The following SRR variants were observed in gnomAD, a reference collection of about 807,000 sequenced individuals.
The protein encoded by SRR is D-serine ammonia-lyase.
A neutral mutation model predicts 32.7 loss-of-function variants in SRR; 19 were observed. The observed-to-expected ratio is 0.58, with a 90% CI of 0.40 to 0.85. The LOEUF (loss-of-function observed/expected upper bound fraction) is 0.85, where lower values mean the gene tolerates loss of function less well. SRR is among the 40% of genes least tolerant of loss of function. The probability of loss-of-function intolerance (pLI) is 0.00; values close to 1 mark genes in which losing one functional copy is unlikely to be tolerated. For missense variants in SRR, 373 were observed against 404.7 expected (o/e 0.92, Z 0.67); for synonymous variants, 142 against 140.9 (o/e 1.01, Z -0.06).
chr17:2,306,751 G>A (rs2075393858), intron 1 of SRR: 1 of 614,704 alleles, frequency 1.6e-6, no homozygotes. Flanking sequence ...TCCACCCATG[G>A]ACACCGCCAA....
At chr17:2,321,198 C>G in intron 4 of SRR, 108 bp from the exon 5 acceptor site, 1 of 1,341,770 alleles carries the variant, frequency 7.5e-7, no homozygotes. Context: ...AGTACCTGAA[C>G]AAAGTGTGAA....
Position 2,325,196 on chromosome 17 carries a change from CA to C in SRR, c.*1324del, listed in dbSNP as rs767921917. 11 of 807,424 alleles carry C rather than the reference CA, an allele frequency of 1.4e-5. No individual in the cohort carries two copies. Among genetic ancestry groups the C allele is most frequent in the Non-Finnish European group, 2.2e-5 (11 of 509,912 alleles). The allele number at this position is 807,424 out of a possible 1,614,324, so 50.0% of individuals were successfully genotyped here. On this transcript the variant is annotated 3_prime_UTR_variant, in exon 8 of 8. Transcript: ENST00000344595. ...AGACTTACTGTATTTTGAAAACCAT[CA>C]TTACCTTCTCCATACCATTTGGCTC...
chr17:2,319,244 AC>A (rs2075504274), intron 4 of SRR, among the ~76,000 whole-genome samples: 1 of 152,172 alleles, frequency 6.6e-6, no homozygotes, highest in African/African-American at 2.4e-5. Flanking sequence ...TCCTGATCTT[AC>A]TTCCCTATAT....
At chr17:2,307,561 A>C in intron 1 of SRR, 3 of 1,113,222 alleles carry the variant, frequency 2.7e-6, no homozygotes, top group East Asian at 2.3e-5. Flanking sequence ...TACAACAATT[A>C]GTCTTCAATT....
At chr17:2,322,579 CA>C (rs1224638581) in intron 6 of SRR, 6 of 153,242 alleles carry the variant, frequency 3.9e-5, no homozygotes, top group African/African-American at 1.4e-4. Flanking sequence ...TGGCTCACTG[CA>C]AGCTCCACCT....
At position 2,314,582 on chromosome 17, in the gene SRR, CAAA is replaced by C. The variant is rs35790609; in HGVS notation, c.-4-956_-4-954del. ...TGGGTGACAGAGCGAGACTCTGTCT[CAAA>C]AAAAAAAAAAAAAAAAAATTAGCTG... On this transcript the variant is annotated intron_variant, in intron 1 of 7. Transcript: ENST00000344595. 4.3e-3 allele frequency among the ~76,000 whole-genome samples: 438 copies of C among 102,934 alleles called. 10 individuals carry two copies. The East Asian group carries it at 0.054, about 13-fold the overall frequency. The allele number at this position is 102,934 out of a possible 152,430, so 67.5% of individuals were successfully genotyped here.
Position 2,317,373 on chromosome 17 carries a change from G to C in SRR, c.169-497G>C, listed in dbSNP as rs867343007. On this transcript the variant is annotated intron_variant, in intron 2 of 7. Coordinates refer to ENST00000344595, the MANE Select transcript of SRR (RefSeq NM_021947.3). ...AAAAATACAAAAAAATTAGCCGGGC[G>C]TGGTGGCGGGCGCCTGCAGACCCGG... Among the ~76,000 whole-genome samples the C allele has an allele frequency of 1.9e-4, 29 of 151,750 alleles. No homozygotes were observed. The Middle Eastern group carries it at 0.017, about 90-fold the overall frequency.
intron 1 of SRR, among the ~76,000 whole-genome samples, chr17:2,308,792 GC>G: frequency 6.6e-6 from 1 of 151,982 alleles, no homozygotes; most frequent in African/African-American, 2.4e-5. Context: ...CTGCACTCCA[GC>G]CTGGTGACAG....
At chr17:2,320,207 T>C (rs980010703) in intron 4 of SRR, among the ~76,000 whole-genome samples, 1 of 149,684 alleles carries the variant, frequency 6.7e-6, no homozygotes. Flanking sequence ...ATCTAATCCC[T>C]GGATAAACTC....
intron 1 of SRR, chr17:2,306,886 T>C (rs2075395104): frequency 2.2e-6 from 2 of 915,156 alleles, no homozygotes; most frequent in South Asian, 1.3e-5. Flanking sequence ...ACTCGCGGAC[T>C]GTGTGGTAAT....
chr17:2,322,921 CG>C, intron 6 of SRR: 1 of 514,516 alleles, frequency 1.9e-6, no homozygotes, highest in Non-Finnish European at 3.5e-6. Context: ...TCTGCCACCA[CG>C]CCTGGCTGAT....
upstream of SRR, chr17:2,303,564 G>A (rs1351605667): frequency 3.7e-6 from 5 of 1,357,828 alleles, no homozygotes; most frequent in Non-Finnish European, 4.7e-6. Context: ...GAGCGGGGAG[G>A]AGGCAGAGGA....
Position 2,309,118 on chromosome 17 carries a change from C to G in SRR, c.-5+5101C>G, listed in dbSNP as rs896627575. On this transcript the variant is annotated intron_variant, in intron 1 of 7. Transcript: ENST00000344595. ...GGGCAACAAGAGCGAAACTCCATCTCAAAATAATAATAATAATAATAATTT... is the reference window on the plus strand; with the variant it reads ...GGGCAACAAGAGCGAAACTCCATCTGAAAATAATAATAATAATAATAATTT... Among the ~76,000 whole-genome samples, 15 of 152,192 alleles carry G rather than the reference C, an allele frequency of 9.9e-5. No homozygotes were observed. The East Asian group carries it at 2.7e-3, about 27-fold the overall frequency.
intron 1 of SRR, among the ~76,000 whole-genome samples, chr17:2,313,946 G>C (rs188419968): frequency 4.6e-5 from 7 of 152,144 alleles, no homozygotes; most frequent in Non-Finnish European, 2.9e-5. Flanking sequence ...TTGTATCTCT[G>C]TATTTTCAGA....
chr17:2,322,812 C>T (rs565410027), intron 6 of SRR: 2 of 328,564 alleles, frequency 6.1e-6, no homozygotes, highest in East Asian at 1.5e-4. Flanking sequence ...CACTGCGCCC[C>T]ACCCCATTTT....
chr17:2,316,714 T>C (rs1420197458), intron 2 of SRR, among the ~76,000 whole-genome samples: 1 of 151,700 alleles, frequency 6.6e-6, no homozygotes. Context: ...CTTTTTTGTT[T>C]TGTTTTGTTT....
At chr17:2,321,746 A>G in intron 6 of SRR, 130 bp downstream of exon 6, 1 of 766,820 alleles carries the variant, frequency 1.3e-6, no homozygotes, top group Non-Finnish European at 2.2e-6. Flanking sequence ...GGGACTTGAG[A>G]TGAAGGCCCA....
At chr17:2,320,544 G>A (rs1438295631) in intron 4 of SRR, among the ~76,000 whole-genome samples, 3 of 151,100 alleles carry the variant, frequency 2.0e-5, no homozygotes, top group Admixed American at 6.6e-5. Flanking sequence ...GTGAGCCACC[G>A]TGCCTGGTCC....
At chr17:2,319,655 A>G (rs1309814724) in intron 4 of SRR, among the ~76,000 whole-genome samples, 1 of 152,052 alleles carries the variant, frequency 6.6e-6, no homozygotes, top group African/African-American at 2.4e-5. Flanking sequence ...TCCATAACCC[A>G]ACTGCTTCTG....
Sources: gnomAD v4.1 joint callset for allele counts (sites outside exome capture counted in the v4.1 genomes callset) on GRCh38, gnomAD v4.1.1 for gene constraint, MANE v1.5 for transcripts, NCBI Gene and HGNC (gene_info 2026-07-23, HGNC 2026-07-21) for gene names.